Variants in ABCA1 observed in about 807,000 individuals in gnomAD.
The protein encoded by ABCA1 is ATP binding cassette subfamily A member 1, also known as phospholipid-transporting ATPase ABCA1.
In ABCA1, 133 loss-of-function variants were observed where a neutral mutation model predicts 262.5. The observed-to-expected ratio is 0.51, with a 90% CI of 0.44 to 0.59. ABCA1 has a LOEUF of 0.59. Among genes scored for constraint, ABCA1 ranks in the 20% least tolerant of loss-of-function variants. ABCA1 has a pLI of 0.00. For missense variants in ABCA1, 2,452 were observed against 2,777.5 expected, an observed-to-expected ratio of 0.88 and a Z score of 2.63; for synonymous variants, 1,022 against 1,043.5, an observed-to-expected ratio of 0.98 and a Z score of 0.40.
At chr9:104,884,727 A>G (rs2119176723) in intron 3 of ABCA1, among the ~76,000 whole-genome samples, 159 bp from the exon 4 acceptor site, 1 of 152,310 alleles carries the variant, frequency 6.6e-6, no homozygotes, top group East Asian at 1.9e-4. Context: ...TCTCAGGTGG[A>G]AACTTGGCCT....
In ABCA1 at chr9:104,824,487, G is replaced by A; in HGVS notation, c.2634C>T (p.Ser878=). The A allele has an allele frequency of 6.2e-7, 1 of 1,614,128 alleles. No homozygotes were observed. The highest frequency in any genetic ancestry group is 1.1e-5 in the South Asian group (1 of 91,082). ...EESDEKSHPG[S]NQKRISEICM... is the part of the protein sequence containing the mutation. ...TACTTTCTGATATTCTCTTCTGGTTGGAACCAGGGTGGCTCTTCTCATCAC... is the reference window on the plus strand; with the variant it reads ...TACTTTCTGATATTCTCTTCTGGTTAGAACCAGGGTGGCTCTTCTCATCAC... The change falls in exon 18 of 50, where the codon TCC becomes TCT. Residue 878 remains serine (S), a synonymous_variant. Coordinates refer to ENST00000374736, the MANE Select transcript of ABCA1 (RefSeq NM_005502.4).
intron 40 of ABCA1, among the ~76,000 whole-genome samples, 174 bp from the exon 41 acceptor site, chr9:104,793,474 ATTTGGGAAAACTT>A (rs1829610616): frequency 6.6e-6 from 1 of 152,170 alleles, no homozygotes; most frequent in Non-Finnish European, 1.5e-5. Flanking sequence ...TCCAAGTCTG[ATTTGGGAAAACTT>A]TTTATGACCC....
intron 11 of ABCA1, among the ~76,000 whole-genome samples, chr9:104,834,276 G>T (rs1046128508): frequency 6.7e-6 from 1 of 149,420 alleles, no homozygotes; most frequent in African/African-American, 2.5e-5. Context: ...ATTTCAGTAG[G>T]CTACATCCCT....
At chr9:104,821,679 T>C (rs554629164) in intron 19 of ABCA1, among the ~76,000 whole-genome samples, 173 bp from the exon 20 acceptor site, 1 of 152,064 alleles carries the variant, frequency 6.6e-6, no homozygotes, top group South Asian at 2.1e-4. Context: ...CTTCGGTAAA[T>C]AACTACAAGT....
intron 7 of ABCA1, among the ~76,000 whole-genome samples, chr9:104,849,273 T>C (rs1835172995): frequency 6.6e-6 from 1 of 152,224 alleles, no homozygotes; most frequent in South Asian, 2.1e-4. Flanking sequence ...TAGGTCCTTA[T>C]TAAGTTTGCT....
At position 104,832,697 on chromosome 9, in the gene ABCA1, G is replaced by A. The variant is rs1564151062; in HGVS notation, c.1386C>T (p.Asp462=). The part of the protein sequence containing the change: ...QLDGLDWTAQ[D]IVAFLAKHPE... ...GGTGCTTGGCCAAAAACGCCACGAT[G>A]TCTTGGGCTGTCCAATCTAAGCCAT... is the stretch of plus-strand genomic sequence containing the variant. The change falls in exon 12 of 50, where the codon GAC becomes GAT. Residue 462 remains aspartate, a synonymous_variant. Transcript: ENST00000374736. 2 of 1,614,208 alleles carry A rather than the reference G, an allele frequency of 1.2e-6. No homozygotes were observed. The highest frequency in any genetic ancestry group is 1.7e-6 in the Non-Finnish European group (2 of 1,180,046).
intron 22 of ABCA1, among the ~76,000 whole-genome samples, chr9:104,819,180 C>T (rs959877406): frequency 6.6e-6 from 1 of 152,090 alleles, no homozygotes; most frequent in Non-Finnish European, 1.5e-5. Flanking sequence ...AGGTAAGCAC[C>T]ACTATTATTA....
At chr9:104,862,679 C>CGGGCAGGGCCGGGCAGGGCA (rs1554729570) in intron 5 of ABCA1, among the ~76,000 whole-genome samples, 1 of 9,482 alleles carries the variant, frequency 1.1e-4, no homozygotes, top group African/African-American at 3.9e-4. Flanking sequence ...CGGGCCGGGC[C>CGGGCAGGGCCGGGCAGGGCA]GGGCCGGGCC....
At chr9:104,888,789 G>A (rs1839444843) in intron 3 of ABCA1, among the ~76,000 whole-genome samples, 1 of 152,150 alleles carries the variant, frequency 6.6e-6, no homozygotes. Flanking sequence ...AGGTGTTAAG[G>A]CATTATCTTA....
At chr9:104,800,026 A>G (rs1391943222) in intron 35 of ABCA1, 38 bp from the exon 36 acceptor site, 3 of 1,613,328 alleles carry the variant, frequency 1.9e-6, no homozygotes, top group Non-Finnish European at 2.5e-6. Flanking sequence ...TAATGCCCCC[A>G]AACCGGGCTC....
At position 104,814,148 on chromosome 9, in the gene ABCA1, C is replaced by T; in HGVS notation, c.3871G>A (p.Ala1291Thr). Residue 1291 changes from alanine to threonine, a missense_variant, in exon 27 of 50, where the codon GCT becomes ACT. Coordinates refer to ENST00000374736, the MANE Select transcript of ABCA1 (RefSeq NM_005502.4). The stretch of plus-strand genomic sequence containing the variant: ...TCTATGTCAGAATCATTTGGATCAG[C>T]AGCATCATCTTCAGTGAACGGGCGA... ...CLRPFTEDDA[A>T]DPNDSDIDPE... 6.2e-7 allele frequency: 1 copy of T among 1,614,232 alleles called. No individual in the cohort carries two copies. The highest frequency in any genetic ancestry group is 1.1e-5 in the South Asian group (1 of 91,092).
intron 3 of ABCA1, among the ~76,000 whole-genome samples, chr9:104,886,181 C>T (rs1839154593): frequency 6.9e-6 from 1 of 145,648 alleles, no homozygotes; most frequent in African/African-American, 2.5e-5. Context: ...TCTGCTGTTG[C>T]CCAGCAGGAA....
At chr9:104,883,933 G>T (rs930484228) in intron 4 of ABCA1, among the ~76,000 whole-genome samples, 7 of 152,200 alleles carry the variant, frequency 4.6e-5, no homozygotes, top group Non-Finnish European at 8.8e-5. Context: ...CTTTGCTCAG[G>T]GAGCTCACAC....
At chr9:104,872,009 G>A (rs918020010) in intron 5 of ABCA1, among the ~76,000 whole-genome samples, 1 of 152,160 alleles carries the variant, frequency 6.6e-6, no homozygotes, top group African/African-American at 2.4e-5. Context: ...CTGGTCTAGG[G>A]AAGAATTAAC....
intron 48 of ABCA1, 57 bp from the exon 49 acceptor site, chr9:104,785,696 T>C (rs1828866561): frequency 6.2e-7 from 1 of 1,606,822 alleles, no homozygotes; most frequent in African/African-American, 1.3e-5. Context: ...TTTAAAAGAA[T>C]ACTGAACCCT....
At chr9:104,794,566 T>G (rs1417600076) in intron 39 of ABCA1, 56 bp from the exon 40 acceptor site, 2 of 1,570,316 alleles carry the variant, frequency 1.3e-6, no homozygotes, top group Non-Finnish European at 1.7e-6. Context: ...AAGAAACGGG[T>G]GTCATTCATG....
intron 1 of ABCA1, among the ~76,000 whole-genome samples, chr9:104,914,274 C>T (rs961023333): frequency 4.0e-5 from 6 of 151,384 alleles, no homozygotes; most frequent in Admixed American, 1.3e-4. Context: ...GTCAGAAGTT[C>T]GAGACCAGCC....
At chr9:104,921,553 A>G (rs543384342) in intron 1 of ABCA1, among the ~76,000 whole-genome samples, 2 of 152,338 alleles carry the variant, frequency 1.3e-5, no homozygotes, top group African/African-American at 4.8e-5. Context: ...TTGTTCTACA[A>G]AAAGTAACCT....
At chr9:104,893,421 C>CAAAAAAAAAAAAA (rs34544647) in intron 2 of ABCA1, among the ~76,000 whole-genome samples, 16 of 35,244 alleles carry the variant, frequency 4.5e-4, no homozygotes, top group African/African-American at 5.6e-4. Flanking sequence ...GACTTCACCT[C>CAAAAAAAAAAAAA]AAAAAAAAAA....
Sources: gnomAD v4.1 joint callset for allele counts (sites outside exome capture counted in the v4.1 genomes callset) on GRCh38, gnomAD v4.1.1 for gene constraint, MANE v1.5 for transcripts, NCBI Gene and HGNC (gene_info 2026-07-23, HGNC 2026-07-21) for gene names.